Variants in ERC2 observed in about 807,000 individuals in gnomAD.
ERC2 encodes ELKS/RAB6-interacting/CAST family member 2.
A neutral mutation model predicts 114.8 loss-of-function variants in ERC2; 42 were observed. That is an observed-to-expected ratio of 0.37 (90% confidence interval 0.29 to 0.47). The LOEUF is 0.47. ERC2 is among the 20% of genes least tolerant of loss of function. ERC2 has a pLI of 0.99. For synonymous variants in ERC2, 454 were observed against 425.5 expected (o/e 1.07, Z -0.82); for missense variants, 939 against 1,150.7 (o/e 0.82, Z 2.66).
chr3:56,183,513 A>G (rs2150049564), intron 3 of ERC2, among the ~76,000 whole-genome samples: 1 of 152,310 alleles, frequency 6.6e-6, no homozygotes, highest in East Asian at 1.9e-4. Context: ...TTGCTCTTTA[A>G]TGATTATTAG....
chr3:56,441,827 G>A (rs906191822), intron 1 of ERC2, among the ~76,000 whole-genome samples: 24 of 152,272 alleles, frequency 1.6e-4, no homozygotes, highest in East Asian at 1.2e-3. Flanking sequence ...GATTACCGGC[G>A]TGAGCCACCA....
chr3:56,424,700 A>C (rs1433377356), intron 2 of ERC2, among the ~76,000 whole-genome samples: 4 of 152,224 alleles, frequency 2.6e-5, no homozygotes, highest in African/African-American at 9.6e-5. Context: ...TCATCATCTA[A>C]GTCTGGACCA....
intron 6 of ERC2, among the ~76,000 whole-genome samples, chr3:56,130,641 T>C (rs1415889019): frequency 6.6e-6 from 1 of 152,178 alleles, no homozygotes; most frequent in Non-Finnish European, 1.5e-5. Context: ...GCACCATCCT[T>C]TAATAGTCCA....
intron 2 of ERC2, among the ~76,000 whole-genome samples, chr3:56,345,090 A>G (rs2058253561): frequency 6.6e-6 from 1 of 152,236 alleles, no homozygotes; most frequent in Admixed American, 6.5e-5. Flanking sequence ...AGAAGTCCCC[A>G]AGTCTCTTCT....
rs76789191 is a variant in ERC2 at position 55,580,292 on chromosome 3, T to C, written c.*40-69016A>G. 6.3e-4 allele frequency among the ~76,000 whole-genome samples: 93 copies of C among 147,498 alleles called. 2 individuals are homozygous for C. In the East Asian group the frequency reaches 0.017, roughly 26 times the overall value. On this transcript the variant is annotated intron_variant, in intron 17 of 17. Coordinates refer to ENST00000288221, the MANE Select transcript of ERC2 (RefSeq NM_015576.3). The stretch of plus-strand genomic sequence containing the variant: ...TACTGAGTTCAATTTGGGGAGGGGG[T>C]AGTGCTGCCAGAGGCGAAAGAATAA...
At chr3:56,319,052 G>C (rs1318359972) in intron 2 of ERC2, among the ~76,000 whole-genome samples, 1 of 150,534 alleles carries the variant, frequency 6.6e-6, no homozygotes, top group African/African-American at 2.4e-5. Flanking sequence ...ATGCAAAATA[G>C]TGTTTCACTA....
chr3:56,053,074 G>A (rs1448278502), intron 7 of ERC2, among the ~76,000 whole-genome samples: 1 of 152,172 alleles, frequency 6.6e-6, no homozygotes, highest in South Asian at 2.1e-4. Context: ...TCCACATGGC[G>A]AGGCAGCACC....
chr3:55,783,877 G>A (rs564957335), intron 14 of ERC2, among the ~76,000 whole-genome samples: 12 of 152,260 alleles, frequency 7.9e-5, no homozygotes, highest in African/African-American at 1.7e-4. Context: ...GTTAGCTGTC[G>A]AATATCTAAA....
intron 2 of ERC2, among the ~76,000 whole-genome samples, chr3:56,376,412 G>A (rs113834389): frequency 1.3e-5 from 2 of 151,826 alleles, no homozygotes; most frequent in African/African-American, 2.4e-5. Flanking sequence ...CTCAATGGGT[G>A]AGGCTGAGCT....
chr3:55,787,345 A>C (rs562534982), intron 14 of ERC2, among the ~76,000 whole-genome samples: 5 of 152,084 alleles, frequency 3.3e-5, no homozygotes, highest in Non-Finnish European at 7.4e-5. Context: ...GAGCCCAGGG[A>C]GTTGGAAGAT....
chr3:56,171,338 A>G (rs1304539937), intron 4 of ERC2, among the ~76,000 whole-genome samples: 1 of 152,120 alleles, frequency 6.6e-6, no homozygotes, highest in Non-Finnish European at 1.5e-5. Context: ...CCCTAACTCA[A>G]TTTAGGTATG....
chr3:55,697,163 C>T (rs928218687), intron 16 of ERC2, among the ~76,000 whole-genome samples: 1 of 152,208 alleles, frequency 6.6e-6, no homozygotes, highest in Non-Finnish European at 1.5e-5. Context: ...CCATCATGCT[C>T]TTCCCCAAGT....
At chr3:55,927,111 G>A (rs1290042703) in intron 13 of ERC2, among the ~76,000 whole-genome samples, 1 of 152,148 alleles carries the variant, frequency 6.6e-6, no homozygotes, top group African/African-American at 2.4e-5. Flanking sequence ...TGCCTCATTA[G>A]AAGCTTTCCC....
rs770783956 is a variant in ERC2 at position 55,888,493 on chromosome 3, T to C, written c.2460A>G (p.Lys820=). Residue 820 remains lysine, a synonymous_variant, in exon 14 of 18, where the codon AAA becomes AAG. Coordinates refer to ENST00000288221, the MANE Select transcript of ERC2 (RefSeq NM_015576.3). ...ACTGTTGTGTGGAGGCGAGGCGTGC[T>C]TTGGTGGCATCCAGTTCCTGTCTGG... The part of the protein sequence containing the change: ...EKTRQELDAT[K]ARLASTQQSL... 2 of 1,613,864 alleles carry C rather than the reference T, an allele frequency of 1.2e-6. No homozygotes were observed. The highest frequency in any genetic ancestry group is 1.7e-6 in the Non-Finnish European group (2 of 1,179,834).
intron 2 of ERC2, among the ~76,000 whole-genome samples, chr3:56,374,128 G>C (rs149370265): frequency 6.6e-6 from 1 of 152,038 alleles, no homozygotes. Context: ...ACTGAGTCTC[G>C]CTCTGTCGCC....
At chr3:56,133,065 G>A (rs1575539112) in intron 6 of ERC2, among the ~76,000 whole-genome samples, 1 of 152,112 alleles carries the variant, frequency 6.6e-6, no homozygotes, top group African/African-American at 2.4e-5. Flanking sequence ...TCAGAGTTAT[G>A]CCTAGAAAGC....
chr3:56,145,177 A>G (rs572313818), intron 5 of ERC2, among the ~76,000 whole-genome samples: 1 of 152,312 alleles, frequency 6.6e-6, no homozygotes, highest in East Asian at 1.9e-4. Context: ...AGAAAGTGAT[A>G]TGCTTACTAT....
intron 14 of ERC2, among the ~76,000 whole-genome samples, chr3:55,799,450 CAT>C (rs59209006): frequency 0.067 from 7,145 of 105,942 alleles, 493 homozygotes; most frequent in African/African-American, 0.19. Flanking sequence ...TATATATATG[CAT>C]ATATATATAT....
Position 55,839,368 on chromosome 3 carries a change from G to A in ERC2, c.2564+49021C>T, listed in dbSNP as rs76478346. On this transcript the variant is annotated intron_variant, in intron 14 of 17. Coordinates refer to ENST00000288221, the MANE Select transcript of ERC2 (RefSeq NM_015576.3). ...AAGCACAAGGAATGTAATACCAAAC[G>A]GATATTTTGATCCACAAAAAGGAAT... is the stretch of plus-strand genomic sequence containing the variant. Among the ~76,000 whole-genome samples, 1,045 of 151,648 alleles carry A rather than the reference G, an allele frequency of 6.9e-3. 9 individuals are homozygous for A. Among genetic ancestry groups the A allele is most frequent in the African/African-American group, 0.024 (1,000 of 41,478 alleles).
Sources: gnomAD v4.1 joint callset for allele counts (sites outside exome capture counted in the v4.1 genomes callset) on GRCh38, gnomAD v4.1.1 for gene constraint, MANE v1.5 for transcripts, NCBI Gene and HGNC (gene_info 2026-07-23, HGNC 2026-07-21) for gene names.